ROCK2: variants seen among roughly 807,000 people sequenced by gnomAD.
ROCK2 encodes the protein Rho associated coiled-coil containing protein kinase 2.
ROCK2 carries 61 observed loss-of-function variants against 195.1 expected under a neutral mutation model. That is an observed-to-expected ratio of 0.31 (90% CI 0.25 to 0.39). ROCK2 has a LOEUF of 0.39. Among genes scored for constraint, ROCK2 ranks in the 10% least tolerant of loss-of-function variants. The pLI, the probability that ROCK2 is intolerant of heterozygous loss-of-function variation, is 1.00. For synonymous variants in ROCK2, 504 were observed against 545.5 expected (o/e 0.92, Z 1.06); for missense variants, 1,109 against 1,637.4 (o/e 0.68, Z 5.57).
rs543526760 is a variant in ROCK2 at position 11,243,900 on chromosome 2, T to C, written c.462+5761A>G. Among the ~76,000 whole-genome samples the C allele has an allele frequency of 2.0e-5, 3 of 152,334 alleles. No homozygotes were observed. The South Asian group carries it at 6.2e-4, about 32-fold the overall frequency. On this transcript the variant is annotated intron_variant, in intron 4 of 32. Coordinates refer to ENST00000315872, the MANE Select transcript of ROCK2 (RefSeq NM_004850.5). ...CAGGGAAAACTGTATTGGGGATAGA[T>C]AGGAACTCTATACTGTCTGCTCAAT...
rs147724122 is a variant in ROCK2, at chr2:11,242,706, G to A, written c.463-6744C>T. ...GAAGAATGGCTAATCTCCACCCCTT[G>A]CCTCCTTACAATACTAAACTCCCCA... On this transcript the variant is annotated intron_variant, in intron 4 of 32. Transcript: ENST00000315872. 1.6e-4 allele frequency among the ~76,000 whole-genome samples: 25 copies of A among 152,184 alleles called. No homozygotes were observed. In the East Asian group the frequency reaches 2.9e-3, roughly 18 times the overall value.
chr2:11,214,022 A>G (rs1664338896), intron 17 of ROCK2, among the ~76,000 whole-genome samples: 4 of 152,238 alleles, frequency 2.6e-5, no homozygotes, highest in Non-Finnish European at 1.5e-5. Context: ...AAACTTCTAA[A>G]TGCCAAAAGT....
chr2:11,247,835 C>T (rs1213816549), intron 4 of ROCK2, among the ~76,000 whole-genome samples: 1 of 152,076 alleles, frequency 6.6e-6, no homozygotes, highest in Non-Finnish European at 1.5e-5. Flanking sequence ...GCCTGGCCAA[C>T]ATGGTGAGAC....
intron 1 of ROCK2, among the ~76,000 whole-genome samples, chr2:11,301,056 C>T (rs1185246766): frequency 6.6e-6 from 1 of 151,968 alleles, no homozygotes; most frequent in South Asian, 2.1e-4. Flanking sequence ...CAAATCACTG[C>T]AACAACATTA....
intron 18 of ROCK2, among the ~76,000 whole-genome samples, chr2:11,211,461 A>ATTTACC (rs1207413271): frequency 6.6e-6 from 1 of 152,176 alleles, no homozygotes; most frequent in Non-Finnish European, 1.5e-5. Context: ...TGATCATGTA[A>ATTTACC]TTTTGTGTTT....
intron 1 of ROCK2, among the ~76,000 whole-genome samples, chr2:11,299,665 A>G (rs1356143656): frequency 1.3e-5 from 2 of 152,244 alleles, no homozygotes; most frequent in African/African-American, 2.4e-5. Flanking sequence ...AAGAACCACG[A>G]AAGAACACAG....
intron 20 of ROCK2, among the ~76,000 whole-genome samples, chr2:11,202,991 C>T (rs1364949592): frequency 6.6e-6 from 1 of 151,926 alleles, no homozygotes. Flanking sequence ...TCTGGGGAGG[C>T]GAGAAGTGCT....
intron 1 of ROCK2, chr2:11,308,549 G>T: frequency 1.3e-6 from 2 of 1,534,286 alleles, no homozygotes; most frequent in South Asian, 2.2e-5. Flanking sequence ...TGAGAAAACT[G>T]GTTTGAAAGA....
intron 1 of ROCK2, among the ~76,000 whole-genome samples, chr2:11,313,652 CG>C (rs1668106582): frequency 6.6e-6 from 1 of 151,706 alleles, no homozygotes; most frequent in South Asian, 2.1e-4. Flanking sequence ...TTTAACTTCT[CG>C]TTTAGTTTTG....
At chr2:11,286,819 T>C (rs72787693) in intron 2 of ROCK2, among the ~76,000 whole-genome samples, 180 bp from the exon 3 acceptor site, 6,463 of 152,316 alleles carry the variant, frequency 0.042, 275 homozygotes, top group Non-Finnish European at 0.06. Context: ...CAAAACTCTC[T>C]ATGGTTTATT....
At chr2:11,343,334 G>A (rs1669166434) in intron 1 of ROCK2, among the ~76,000 whole-genome samples, 1 of 152,130 alleles carries the variant, frequency 6.6e-6, no homozygotes, top group African/African-American at 2.4e-5. Context: ...GGATTTCAAA[G>A]GTCGTTATAG....
At chr2:11,215,219 A>C (rs1283323701) in intron 15 of ROCK2, 102 bp downstream of exon 15, 1 of 1,445,290 alleles carries the variant, frequency 6.9e-7, no homozygotes. Flanking sequence ...AATGATTTCT[A>C]AAATTAGAGG....
chr2:11,305,857 A>G (rs1419090198), intron 1 of ROCK2, among the ~76,000 whole-genome samples: 1 of 152,238 alleles, frequency 6.6e-6, no homozygotes, highest in African/African-American at 2.4e-5. Context: ...GTTACTGTGA[A>G]TTTATAATTA....
At chr2:11,336,908 T>G (rs1193118411) in intron 1 of ROCK2, among the ~76,000 whole-genome samples, 1 of 152,158 alleles carries the variant, frequency 6.6e-6, no homozygotes, top group Admixed American at 6.5e-5. Context: ...CGACAATTAC[T>G]TGGGCAGAAA....
chr2:11,276,376 C>T (rs566987514), intron 3 of ROCK2, among the ~76,000 whole-genome samples: 35 of 152,250 alleles, frequency 2.3e-4, no homozygotes, highest in South Asian at 1.0e-3. Flanking sequence ...TATTTCTATA[C>T]ACTAAAAATA....
intron 5 of ROCK2, among the ~76,000 whole-genome samples, chr2:11,230,287 T>C (rs1315580053): frequency 6.6e-6 from 1 of 152,062 alleles, no homozygotes; most frequent in East Asian, 1.9e-4. Context: ...CATTGTATAG[T>C]GTCAAAAAAT....
chr2:11,304,935 G>A (rs1052008209), intron 1 of ROCK2, among the ~76,000 whole-genome samples: 2 of 152,186 alleles, frequency 1.3e-5, no homozygotes, highest in Admixed American at 1.3e-4. Context: ...CAGCCAATTA[G>A]TTACTATGTA....
intron 3 of ROCK2, among the ~76,000 whole-genome samples, chr2:11,283,587 C>CAAGAAAGAAAGAAAGAAAGAAAGAA (rs55637351): frequency 7.9e-6 from 1 of 126,484 alleles, no homozygotes; most frequent in Non-Finnish European, 1.6e-5. Context: ...AAAAAAAAAG[C>CAAGAAAGAAAGAAAGAAAGAAAGAA]AAGAAAGAAA....
chr2:11,193,311 C>T (rs2148031863), intron 30 of ROCK2, among the ~76,000 whole-genome samples: 1 of 152,206 alleles, frequency 6.6e-6, no homozygotes, highest in East Asian at 1.9e-4. Context: ...ATCAGTAAGT[C>T]ATTGTTGGTT....
Sources: gnomAD v4.1 joint callset for allele counts (sites outside exome capture counted in the v4.1 genomes callset) on GRCh38, gnomAD v4.1.1 for gene constraint, MANE v1.5 for transcripts, NCBI Gene and HGNC (gene_info 2026-07-23, HGNC 2026-07-21) for gene names.